SIPA1L2: variants seen among roughly 807,000 people sequenced by gnomAD.
SIPA1L2 encodes the protein signal-induced proliferation-associated 1-like protein 2.
Under a neutral mutation model 163.9 loss-of-function variants are expected in SIPA1L2, and 56 were observed. The observed-to-expected ratio is 0.34, with a 90% CI of 0.28 to 0.43. SIPA1L2 has a LOEUF of 0.43. Ranked by LOEUF, SIPA1L2 falls within the 20% of genes least tolerant of loss-of-function variation. The probability of loss-of-function intolerance (pLI) is 1.00; values close to 1 mark genes in which losing one functional copy is unlikely to be tolerated. For missense variants in SIPA1L2, 1,974 were observed against 2,193.5 expected, an observed-to-expected ratio of 0.90 and a Z score of 2.00; for synonymous variants, 877 against 865.7, an observed-to-expected ratio of 1.01 and a Z score of -0.23.
At chr1:232,503,946 T>C (rs1481562800) in intron 3 of SIPA1L2, among the ~76,000 whole-genome samples, 1 of 152,092 alleles carries the variant, frequency 6.6e-6, no homozygotes, top group African/African-American at 2.4e-5. Flanking sequence ...ATCCCAGCAC[T>C]TTGGGAGGCA....
chr1:232,613,188 T>C (rs1229177127), intron 1 of SIPA1L2, among the ~76,000 whole-genome samples: 2 of 152,212 alleles, frequency 1.3e-5, no homozygotes, highest in African/African-American at 2.4e-5. Context: ...GTCTCGGGTA[T>C]GTCTTTTATC....
chr1:232,615,106 C>T, intron 1 of SIPA1L2, among the ~76,000 whole-genome samples: 1 of 152,326 alleles, frequency 6.6e-6, no homozygotes, highest in Middle Eastern at 3.4e-3. Flanking sequence ...ATTACTGCTA[C>T]ACATCCTTGG....
intron 3 of SIPA1L2, 75 bp from the exon 4 acceptor site, chr1:232,493,735 G>T (rs1228713102): frequency 6.4e-7 from 1 of 1,551,828 alleles, no homozygotes; most frequent in Non-Finnish European, 8.8e-7. Context: ...CTCTCAGTTT[G>T]TGTATCAAAT....
chr1:232,442,587 T>C (rs1417369630), intron 12 of SIPA1L2, among the ~76,000 whole-genome samples: 1 of 150,140 alleles, frequency 6.7e-6, no homozygotes, highest in African/African-American at 2.5e-5. Flanking sequence ...AGATTAACTC[T>C]AGACTACATC....
At chr1:232,558,640 A>T (rs894739149) in intron 2 of SIPA1L2, among the ~76,000 whole-genome samples, 4 of 150,852 alleles carry the variant, frequency 2.7e-5, no homozygotes, top group South Asian at 4.2e-4. Context: ...CCCCAAACAA[A>T]TTTTTTTTTT....
intron 3 of SIPA1L2, among the ~76,000 whole-genome samples, chr1:232,508,938 A>C (rs1240712070): frequency 6.6e-6 from 1 of 152,110 alleles, no homozygotes; most frequent in Non-Finnish European, 1.5e-5. Flanking sequence ...CTAAAAATAC[A>C]AAAATTAGCC....
chr1:232,520,127 T>C (rs1488805882), intron 2 of SIPA1L2, among the ~76,000 whole-genome samples: 1 of 152,250 alleles, frequency 6.6e-6, no homozygotes, highest in Non-Finnish European at 1.5e-5. Context: ...CTCTAGATTT[T>C]GTCTACATAC....
intron 1 of SIPA1L2, among the ~76,000 whole-genome samples, chr1:232,586,221 G>A (rs917558043): frequency 6.6e-6 from 1 of 152,128 alleles, no homozygotes; most frequent in Admixed American, 6.5e-5. Flanking sequence ...TATTTTCTCA[G>A]TGATCATGTG....
intron 18 of SIPA1L2, among the ~76,000 whole-genome samples, chr1:232,419,654 G>A (rs927965416): frequency 4.6e-5 from 7 of 152,138 alleles, no homozygotes; most frequent in African/African-American, 1.7e-4. Flanking sequence ...CTTCCACCAT[G>A]ACTGTAAGCT....
chr1:232,462,367 A>G (rs1185514875), intron 9 of SIPA1L2: 1 of 1,511,044 alleles, frequency 6.6e-7, no homozygotes, highest in Non-Finnish European at 8.8e-7. Flanking sequence ...TTTCTATGAA[A>G]CATGCTCTGA....
At chr1:232,408,874 T>G (rs908930144) in intron 19 of SIPA1L2, among the ~76,000 whole-genome samples, 2 of 152,184 alleles carry the variant, frequency 1.3e-5, no homozygotes, top group Non-Finnish European at 1.5e-5. Flanking sequence ...TTAAATACCT[T>G]TATCTGACCA....
rs1039983091 is a variant in SIPA1L2 at position 232,462,200 on chromosome 1, A to G, written c.2821-1039T>C. On this transcript the variant is annotated intron_variant, in intron 9 of 22. Transcript: ENST00000674635. ...GCCCTCAAAAGCACTCACCGAGCAT[A>G]GTTTACATCCAATGAAAGAAAAACA... is the stretch of plus-strand genomic sequence containing the variant. 25 of 1,549,146 alleles carry G rather than the reference A, an allele frequency of 1.6e-5. No homozygotes were observed. In the East Asian group the frequency reaches 5.6e-4, roughly 35 times the overall value.
chr1:232,521,293 G>A (rs1667447649), intron 2 of SIPA1L2, among the ~76,000 whole-genome samples: 1 of 152,164 alleles, frequency 6.6e-6, no homozygotes, highest in Admixed American at 6.5e-5. Flanking sequence ...CGTGCTATTT[G>A]GAGGAATTTC....
chr1:232,528,798 C>G (rs1452009474), intron 2 of SIPA1L2, among the ~76,000 whole-genome samples: 1 of 152,164 alleles, frequency 6.6e-6, no homozygotes, highest in Non-Finnish European at 1.5e-5. Context: ...CCAGGCATAC[C>G]ACCCTCAAAT....
At chr1:232,527,725 C>CTT (rs57868657) in intron 2 of SIPA1L2, among the ~76,000 whole-genome samples, 10,093 of 80,842 alleles carry the variant, frequency 0.12, 1,544 homozygotes, top group Middle Eastern at 0.27. Context: ...TCTTCTTCTT[C>CTT]TTTTTTTTTT....
chr1:232,604,869 C>G (rs61823263), intron 1 of SIPA1L2, among the ~76,000 whole-genome samples: 25,566 of 152,056 alleles, frequency 0.17, 2,585 homozygotes, highest in Middle Eastern at 0.31. Flanking sequence ...CTTCATCTTC[C>G]GCCATGATTA....
intron 2 of SIPA1L2, 146 bp from the exon 3 acceptor site, chr1:232,515,754 TG>T: frequency 1.2e-5 from 2 of 166,926 alleles, no homozygotes; most frequent in Non-Finnish European, 2.6e-5. Context: ...CACTCCTCCC[TG>T]GAACACCATC....
chr1:232,534,457 A>G (rs1224660034), intron 2 of SIPA1L2, among the ~76,000 whole-genome samples: 1 of 152,254 alleles, frequency 6.6e-6, no homozygotes, highest in Non-Finnish European at 1.5e-5. Context: ...CACTGGAAGA[A>G]CGCTTCACCA....
chr1:232,562,625 G>GT (rs1659110229), intron 2 of SIPA1L2, among the ~76,000 whole-genome samples: 1 of 152,138 alleles, frequency 6.6e-6, no homozygotes, highest in Non-Finnish European at 1.5e-5. Context: ...GTACTGATGC[G>GT]TATTTCCAAG....
Sources: gnomAD v4.1 joint callset for allele counts (sites outside exome capture counted in the v4.1 genomes callset) on GRCh38, gnomAD v4.1.1 for gene constraint, MANE v1.5 for transcripts, NCBI Gene and HGNC (gene_info 2026-07-23, HGNC 2026-07-21) for gene names.